LIPM: variants seen among roughly 807,000 people sequenced by gnomAD.
LIPM encodes the protein lipase member M.
In LIPM, 42 loss-of-function variants were observed where a neutral mutation model predicts 42.4. The observed-to-expected ratio is 0.99, with a 90% CI of 0.77 to 1.28. The LOEUF (loss-of-function observed/expected upper bound fraction) is 1.28, where lower values mean the gene tolerates loss of function less well. LIPM is among the 50% of genes most tolerant of loss of function. The pLI is 0.00. For missense variants in LIPM, 524 were observed against 520.1 expected, an observed-to-expected ratio of 1.01 and a Z score of -0.07; for synonymous variants, 177 against 173.3, an observed-to-expected ratio of 1.02 and a Z score of -0.17.
intron 2 of LIPM, among the ~76,000 whole-genome samples, chr10:88,809,377 A>G (rs112940056): frequency 6.6e-6 from 1 of 151,996 alleles, no homozygotes; most frequent in South Asian, 2.1e-4. Context: ...AAATATGCCT[A>G]TTTTTCATTT....
intron 8 of LIPM, 114 bp downstream of exon 8, chr10:88,818,010 AAAATAAT>A: frequency 1.2e-6 from 1 of 827,052 alleles, no homozygotes; most frequent in East Asian, 2.8e-5. Context: ...ATTTAAGCAG[AAAATAAT>A]GGTTCATGTT....
At position 88,817,874 on chromosome 10, in the gene LIPM, A is replaced by G; in HGVS notation, c.980A>G (p.Lys327Arg). The G allele has an allele frequency of 6.4e-7, 1 of 1,551,472 alleles. No homozygotes were observed. The highest frequency in any genetic ancestry group is 8.7e-7 in the Non-Finnish European group (1 of 1,146,790). The change falls in exon 8 of 9, where the codon AAA becomes AGA. Residue 327 changes from lysine (K) to arginine (R), a missense_variant. By Grantham distance (26) the Lys-to-Arg change is conservative (BLOSUM62 2). Coordinates refer to ENST00000404743, the MANE Select transcript of LIPM (RefSeq NM_001128215.1). ...LRAFDWGSETKNLEKCNQPTP... is the reference protein window; with the variant it reads ...LRAFDWGSETRNLEKCNQPTP... ...GCATTTGACTGGGGGAGTGAGACCA[A>G]AAATCTGGAAAAATGCAATCAGGTA...
rs1843662590 is a variant in LIPM, at chr10:88,812,063, A to C, written c.266-1034A>C. Among the ~76,000 whole-genome samples the C allele has an allele frequency of 3.3e-5, 5 of 152,188 alleles. No individual in the cohort carries two copies. In the South Asian group the frequency reaches 1.0e-3, roughly 31 times the overall value. ...CACCAAGTCTGTCTCCTTCATAAAC[A>C]AACAATTCCTAAGGTTTTGTCTTTT... On this transcript the variant is annotated intron_variant, in intron 2 of 8. Transcript: ENST00000404743.
chr10:88,805,694 AC>A (rs1843577851), intron 1 of LIPM, among the ~76,000 whole-genome samples: 1 of 152,182 alleles, frequency 6.6e-6, no homozygotes, highest in Admixed American at 6.6e-5. Flanking sequence ...CGTTTTAAAT[AC>A]CCTTCTACAA....
chr10:88,810,032 A>T (rs1843635186), intron 2 of LIPM, among the ~76,000 whole-genome samples: 2 of 152,062 alleles, frequency 1.3e-5, no homozygotes, highest in East Asian at 3.9e-4. Flanking sequence ...TATAGCACTT[A>T]CCATCACCTG....
intron 6 of LIPM, among the ~76,000 whole-genome samples, chr10:88,816,032 G>A (rs1843715227): frequency 6.6e-6 from 1 of 152,188 alleles, no homozygotes; most frequent in South Asian, 2.1e-4. Flanking sequence ...GACTAGGTAG[G>A]TGAAAAAGTC....
chr10:88,808,586 G>A (rs766672784), intron 2 of LIPM, among the ~76,000 whole-genome samples, 171 bp downstream of exon 2: 17 of 152,196 alleles, frequency 1.1e-4, no homozygotes, highest in East Asian at 1.9e-4. Context: ...CACCGTGTCC[G>A]TCCCCACTGC....
chr10:88,815,587 C>T, intron 6 of LIPM, 84 bp downstream of exon 6: 1 of 1,172,278 alleles, frequency 8.5e-7, no homozygotes, highest in Non-Finnish European at 1.2e-6. Context: ...GAGCTAATGC[C>T]AGTGAAGACT....
chr10:88,809,779 A>G (rs903254421), intron 2 of LIPM, among the ~76,000 whole-genome samples: 2 of 152,034 alleles, frequency 1.3e-5, no homozygotes, highest in African/African-American at 2.4e-5. Flanking sequence ...GCTTTTTGAA[A>G]CCACCTTTTT....
At chr10:88,803,943 G>A (rs1564594194) in intron 1 of LIPM, among the ~76,000 whole-genome samples, 1 of 152,092 alleles carries the variant, frequency 6.6e-6, no homozygotes, top group Admixed American at 6.6e-5. Context: ...AAGAGGAGAG[G>A]CTACCTCCAG....
intron 1 of LIPM, among the ~76,000 whole-genome samples, chr10:88,803,776 T>C (rs1843555829): frequency 1.3e-5 from 2 of 152,146 alleles, no homozygotes; most frequent in African/African-American, 4.8e-5. Context: ...GATAGGATCA[T>C]TCACATATTT....
chr10:88,814,856 A>G (rs530453292), intron 4 of LIPM, among the ~76,000 whole-genome samples: 2 of 152,292 alleles, frequency 1.3e-5, no homozygotes, highest in East Asian at 3.9e-4. Context: ...ATCTCTCAAT[A>G]TAAATATTTT....
intron 1 of LIPM, among the ~76,000 whole-genome samples, chr10:88,803,474 T>C (rs933144751): frequency 6.6e-6 from 1 of 152,218 alleles, no homozygotes; most frequent in Non-Finnish European, 1.5e-5. Context: ...TAGCATCTTA[T>C]ACCATTCTAA....
chr10:88,817,012 C>G, intron 7 of LIPM, 125 bp downstream of exon 7: 1 of 726,094 alleles, frequency 1.4e-6, no homozygotes, highest in Non-Finnish European at 2.4e-6. Flanking sequence ...AATGCAGTAT[C>G]GTCGATGCTA....
chr10:88,817,792 T>A (rs1189358058), intron 7 of LIPM, 33 bp from the exon 8 acceptor site: 1 of 1,491,220 alleles, frequency 6.7e-7, no homozygotes, highest in Admixed American at 2.0e-5. Flanking sequence ...ACTGAGACGT[T>A]GGAATTCCTT....
chr10:88,816,701 G>T, intron 6 of LIPM, 115 bp from the exon 7 acceptor site: 1 of 667,616 alleles, frequency 1.5e-6, no homozygotes, highest in Non-Finnish European at 2.7e-6. Flanking sequence ...GATAATTGCT[G>T]ATAACTTAAT....
At chr10:88,806,236 G>GATGTCC (rs1381155957) in intron 1 of LIPM, among the ~76,000 whole-genome samples, 2 of 152,138 alleles carry the variant, frequency 1.3e-5, no homozygotes, top group Non-Finnish European at 2.9e-5. Flanking sequence ...TTTCTTCTCA[G>GATGTCC]ATGTCCATGT....
In LIPM at chr10:88,803,619, G is replaced by GTTT. The variant is rs34653288; in HGVS notation, c.147+594_147+596dup. ...TACATCTCTTTAGTTTTCCCAGGAG[G>GTTT]TTTTTTTTTTTTTTTTTTTTGGTAG... On this transcript the variant is annotated intron_variant, in intron 1 of 8. Transcript: ENST00000404743. Among the ~76,000 whole-genome samples the GTTT allele has an allele frequency of 6.9e-4, 84 of 122,094 alleles. 1 individual carries two copies. Among genetic ancestry groups the GTTT allele is most frequent in the Non-Finnish European group, 1.2e-3 (69 of 59,206 alleles). 80.1% of individuals were successfully genotyped at this position (122,094 alleles called of 152,430 possible).
chr10:88,813,413 C>G, intron 3 of LIPM, 118 bp downstream of exon 3: 1 of 759,144 alleles, frequency 1.3e-6, no homozygotes, highest in Non-Finnish European at 2.1e-6. Flanking sequence ...ATTATCTTAA[C>G]ATGATATCCC....
Sources: gnomAD v4.1 joint callset for allele counts (sites outside exome capture counted in the v4.1 genomes callset) on GRCh38, gnomAD v4.1.1 for gene constraint, MANE v1.5 for transcripts, NCBI Gene and HGNC (gene_info 2026-07-23, HGNC 2026-07-21) for gene names.